Variants in UNC13B observed in about 807,000 individuals in gnomAD.
UNC13B encodes the protein unc-13 homolog B, also known as protein unc-13 homolog B.
In UNC13B, 144 loss-of-function variants were observed where a neutral mutation model predicts 211.0. The ratio of observed to expected loss-of-function variants is 0.68; its 90% CI spans 0.60 to 0.78. The LOEUF (loss-of-function observed/expected upper bound fraction) is 0.78, where lower values mean the gene tolerates loss of function less well. Ranked by LOEUF, UNC13B falls within the 30% of genes least tolerant of loss-of-function variation. The pLI, the probability that UNC13B is intolerant of heterozygous loss-of-function variation, is 0.00. For missense variants in UNC13B, 1,777 were observed against 2,002.0 expected, an observed-to-expected ratio of 0.89 and a Z score of 2.14; for synonymous variants, 709 against 725.8, an observed-to-expected ratio of 0.98 and a Z score of 0.37.
chr9:35,353,683 C>G, intron 11 of UNC13B: 1 of 1,232,090 alleles, frequency 8.1e-7, no homozygotes, highest in Non-Finnish European at 1.0e-6. Flanking sequence ...GTACAGAGAC[C>G]GTTTACCTCA....
intron 26 of UNC13B, among the ~76,000 whole-genome samples, chr9:35,392,311 C>T (rs1835584481): frequency 6.6e-6 from 1 of 152,090 alleles, no homozygotes; most frequent in Non-Finnish European, 1.5e-5. Flanking sequence ...GAGATGAGGG[C>T]AGCTAGAATA....
At chr9:35,165,810 C>T (rs1821007696) in intron 1 of UNC13B, among the ~76,000 whole-genome samples, 1 of 152,144 alleles carries the variant, frequency 6.6e-6, no homozygotes, top group Non-Finnish European at 1.5e-5. Context: ...AAGTCTTTAA[C>T]ATGTTTTGGC....
chr9:35,257,321 A>T (rs980327258), intron 6 of UNC13B, among the ~76,000 whole-genome samples: 26 of 139,502 alleles, frequency 1.9e-4, no homozygotes, highest in African/African-American at 2.5e-4. Flanking sequence ...ATAAATATTT[A>T]TAAAAATATT....
intron 7 of UNC13B, among the ~76,000 whole-genome samples, chr9:35,260,772 TC>T (rs1308146778): frequency 3.3e-5 from 5 of 152,168 alleles, no homozygotes; most frequent in Non-Finnish European, 7.4e-5. Flanking sequence ...GGTTTACAGG[TC>T]CTTTTCAAAA....
chr9:35,322,721 A>T (rs1830802226), intron 11 of UNC13B, among the ~76,000 whole-genome samples: 1 of 152,118 alleles, frequency 6.6e-6, no homozygotes, highest in Non-Finnish European at 1.5e-5. Flanking sequence ...AAAAATAATG[A>T]GGCTTAAGGA....
At chr9:35,358,026 G>A (rs1290429452) in intron 11 of UNC13B, among the ~76,000 whole-genome samples, 7 of 152,178 alleles carry the variant, frequency 4.6e-5, no homozygotes, top group African/African-American at 1.7e-4. Flanking sequence ...AGTACCTCAT[G>A]TAAGTGGAAT....
chr9:35,378,905 GT>G (rs1226014242), intron 17 of UNC13B, among the ~76,000 whole-genome samples: 1 of 152,154 alleles, frequency 6.6e-6, no homozygotes, highest in Non-Finnish European at 1.5e-5. Context: ...AGAAGATGCT[GT>G]TTCCCATAAA....
At chr9:35,270,067 T>C (rs1338025351) in intron 7 of UNC13B, among the ~76,000 whole-genome samples, 15 of 152,194 alleles carry the variant, frequency 9.9e-5, no homozygotes, top group Admixed American at 9.8e-4. Flanking sequence ...TAGTACAAAA[T>C]ATTCCAAGCT....
intron 8 of UNC13B, among the ~76,000 whole-genome samples, chr9:35,297,561 T>TTTTTTTTTTTTTTTTTGTTTTTTTG: frequency 1.6e-5 from 2 of 128,160 alleles, no homozygotes; most frequent in Non-Finnish European, 3.4e-5. Context: ...TTTTTTTTTT[T>TTTTTTTTTTTTTTTTTGTTTTTTTG]TTTTTTGAGA....
chr9:35,266,560 A>G (rs1587502925), intron 7 of UNC13B, among the ~76,000 whole-genome samples: 1 of 152,318 alleles, frequency 6.6e-6, no homozygotes, highest in Non-Finnish European at 1.5e-5. Flanking sequence ...AAGTTTAAAA[A>G]GTAAAAAAAT....
intron 11 of UNC13B, among the ~76,000 whole-genome samples, chr9:35,316,076 G>A (rs1256367114): frequency 6.6e-6 from 1 of 152,136 alleles, no homozygotes; most frequent in Non-Finnish European, 1.5e-5. Flanking sequence ...GTGCCTTGTG[G>A]TGCAGTACTC....
In UNC13B at chr9:35,310,552, C is replaced by G. The variant is rs762090249; in HGVS notation, c.9094C>G (p.Gln3032Glu). 10 of 1,613,686 alleles carry G rather than the reference C, an allele frequency of 6.2e-6. No homozygotes were observed. The highest frequency in any genetic ancestry group is 1.3e-5 in the African/African-American group (1 of 74,898). Residue 3032 changes from glutamine to glutamate, a missense_variant, in exon 10 of 40, where the codon CAA (glutamine) becomes GAA (glutamate). Transcript: ENST00000635942. ...AAGTGAACTAGACCAGTATCACGAA[C>G]AAGATGACGACCATCGGGAGACGGA... ...QLSELDQYHE[Q>E]DDDHRETDSI...
In UNC13B at chr9:35,289,272, C is replaced by T. The variant is rs569216432; in HGVS notation, c.527-6424C>T. Among the ~76,000 whole-genome samples, 121 of 152,228 alleles carry T rather than the reference C, an allele frequency of 7.9e-4. 2 individuals are homozygous for T. Among genetic ancestry groups the T allele is most frequent in the Non-Finnish European group, 1.6e-3 (108 of 68,010 alleles). ...GCCTGGGTTGGCATCATATGATGTT[C>T]CTAGAATTTCGAGTCTTACTGTAGA... On this transcript the variant is annotated intron_variant, in intron 7 of 39. Transcript: ENST00000635942.
Position 35,378,345 on chromosome 9 carries a change from CCTTACGTGA to C in UNC13B, c.10117_10125del (p.Tyr3373_Thr3375del). Reference sequence around the variant, plus strand: ...CAAGGACAAAACAGGATCCAGTGACCCTTACGTGACTGTGCAAGTCAGCAAAACTAAGAA... The same window carrying C: ...CAAGGACAAAACAGGATCCAGTGACCCTGTGCAAGTCAGCAAAACTAAGAA... On this transcript the variant is annotated inframe_deletion, in exon 17 of 40. Coordinates refer to ENST00000635942, the MANE Select transcript of UNC13B (RefSeq NM_001371189.2). 1 of 1,614,118 alleles carries C rather than the reference CCTTACGTGA, an allele frequency of 6.2e-7. No homozygotes were observed. Among genetic ancestry groups the C allele is most frequent in the Non-Finnish European group, 8.5e-7 (1 of 1,180,026 alleles).
intron 7 of UNC13B, among the ~76,000 whole-genome samples, chr9:35,283,611 CA>C (rs1347403171): frequency 1.3e-5 from 2 of 151,768 alleles, no homozygotes; most frequent in Non-Finnish European, 2.9e-5. Context: ...GAGAGCAAAA[CA>C]AAGATCCTGG....
intron 5 of UNC13B, among the ~76,000 whole-genome samples, 188 bp downstream of exon 5, chr9:35,238,014 A>T (rs144762299): frequency 2.6e-5 from 4 of 151,982 alleles, no homozygotes; most frequent in African/African-American, 9.7e-5. Flanking sequence ...AATAGTGCTC[A>T]TTAAAGAATC....
chr9:35,385,867 A>G, intron 23 of UNC13B, 54 bp downstream of exon 23: 2 of 1,569,714 alleles, frequency 1.3e-6, no homozygotes, highest in Non-Finnish European at 1.7e-6. Context: ...TGGCTACAGG[A>G]ACGTGAAGAA....
chr9:35,241,579 A>G (rs1449248535), intron 5 of UNC13B, among the ~76,000 whole-genome samples: 1 of 146,742 alleles, frequency 6.8e-6, no homozygotes, highest in Non-Finnish European at 1.5e-5. Context: ...ACACACACAC[A>G]CACACACACA....
intron 1 of UNC13B, among the ~76,000 whole-genome samples, chr9:35,226,412 A>T (rs988180238): frequency 6.6e-6 from 1 of 152,166 alleles, no homozygotes; most frequent in Non-Finnish European, 1.5e-5. Flanking sequence ...ATGCACACAC[A>T]CACATATCTA....
Sources: gnomAD v4.1 joint callset for allele counts (sites outside exome capture counted in the v4.1 genomes callset) on GRCh38, gnomAD v4.1.1 for gene constraint, MANE v1.5 for transcripts, NCBI Gene and HGNC (gene_info 2026-07-23, HGNC 2026-07-21) for gene names.